PPIG: variants seen among roughly 807,000 people sequenced by gnomAD.
The protein encoded by PPIG is peptidylprolyl isomerase G.
Under a neutral mutation model 87.9 loss-of-function variants are expected in PPIG, and 26 were observed. The observed-to-expected ratio is 0.30, with a 90% confidence interval of 0.22 to 0.41. PPIG has a LOEUF of 0.41. Ranked by LOEUF, PPIG falls within the 10% of genes least tolerant of loss-of-function variation. The pLI, the probability that PPIG is intolerant of heterozygous loss-of-function variation, is 1.00. For missense variants in PPIG, 722 were observed against 879.4 expected, an observed-to-expected ratio of 0.82 and a Z score of 2.26; for synonymous variants, 308 against 276.5, an observed-to-expected ratio of 1.11 and a Z score of -1.13.
intron 1 of PPIG, 186 bp downstream of exon 1, chr2:169,584,676 C>A (rs1298084867): frequency 2.9e-6 from 1 of 349,228 alleles, no homozygotes; most frequent in South Asian, 2.1e-5. Flanking sequence ...GCAGCAGTGC[C>A]TTTGCCGCTG....
chr2:169,637,469 T>TA lies in PPIG; in HGVS notation c.2217dup (p.Phe740IlefsTer2). Reference sequence around the variant, plus strand: ...AAAATGACCATGTACATGAAAAAAATAAAAAATTTGATCATGAATCAAGCC... The same window carrying TA: ...AAAATGACCATGTACATGAAAAAAATAAAAAAATTTGATCATGAATCAAGCC... On this transcript the variant is annotated frameshift_variant, in exon 14 of 14. Coordinates refer to ENST00000260970, the MANE Select transcript of PPIG (RefSeq NM_004792.3). LOFTEE classifies it high-confidence loss of function. 6.2e-7 allele frequency: 1 copy of TA among 1,602,962 alleles called. No homozygotes were observed. Among genetic ancestry groups the TA allele is most frequent in the South Asian group, 1.1e-5 (1 of 88,424 alleles).
At chr2:169,587,148 G>T (rs936655525) in intron 1 of PPIG, among the ~76,000 whole-genome samples, 4 of 152,044 alleles carry the variant, frequency 2.6e-5, no homozygotes, top group Admixed American at 6.6e-5. Context: ...GGCTACGCTG[G>T]TCTCAAATTC....
In PPIG at chr2:169,604,012, TA is replaced by T; in HGVS notation, c.-16-13del. 1 of 1,603,782 alleles carries T rather than the reference TA, an allele frequency of 6.2e-7. No homozygotes were observed. The highest frequency in any genetic ancestry group is 8.5e-7 in the Non-Finnish European group (1 of 1,172,120). On this transcript the variant is annotated splice_polypyrimidine_tract_variant and intron_variant, in intron 2 of 13. Coordinates refer to ENST00000260970, the MANE Select transcript of PPIG (RefSeq NM_004792.3). ...ATTTTAGTCTGCTTGTCTGAAACTG[TA>T]TTTTACTCACAGATTAAGTATTGGA...
chr2:169,631,991 A>G, intron 11 of PPIG, 58 bp downstream of exon 11: 1 of 1,361,260 alleles, frequency 7.3e-7, no homozygotes, highest in Non-Finnish European at 9.6e-7. Flanking sequence ...TTCTTTTTAA[A>G]AAGTTATTTA....
At chr2:169,601,383 A>G (rs532108194) in intron 1 of PPIG, among the ~76,000 whole-genome samples, 2 of 152,334 alleles carry the variant, frequency 1.3e-5, no homozygotes, top group South Asian at 4.1e-4. Flanking sequence ...GGTTTATCAC[A>G]TCATGGAACT....
At chr2:169,631,983 C>T (rs1686066938) in intron 11 of PPIG, 50 bp downstream of exon 11, 1 of 1,385,896 alleles carries the variant, frequency 7.2e-7, no homozygotes, top group African/African-American at 1.5e-5. Flanking sequence ...TAGAACTTTT[C>T]TTTTTAAAAA....
In PPIG at chr2:169,641,399, A is replaced by T. The variant is rs1030254193; in HGVS notation, c.*3876A>T. Reference sequence around the variant, plus strand: ...AACATTGTATTAAATAAACTATACTATAATAAACAGTTTGGTTTTGTATTT... The same window carrying T: ...AACATTGTATTAAATAAACTATACTTTAATAAACAGTTTGGTTTTGTATTT... On this transcript the variant is annotated 3_prime_UTR_variant, in exon 14 of 14. Coordinates refer to ENST00000260970, the MANE Select transcript of PPIG (RefSeq NM_004792.3). The T allele has an allele frequency of 6.6e-6, 1 of 152,212 alleles. No homozygotes were observed. The highest frequency in any genetic ancestry group is 2.1e-4 in the South Asian group (1 of 4,832). The allele number at this position is 152,212 out of a possible 1,614,324, so 9.4% of individuals were successfully genotyped here.
Position 169,630,771 on chromosome 2 carries a change from A to T in PPIG, c.548-3A>T. On this transcript the variant is annotated splice_polypyrimidine_tract_variant and splice_region_variant and intron_variant, in intron 9 of 13. Transcript: ENST00000260970. ...GATCAAAACCTTTTTGTTTTTATTA[A>T]AGTTAAGAAAGAAGAAAAGAAAAGG... The T allele has an allele frequency of 6.3e-7, 1 of 1,584,694 alleles. No homozygotes were observed. Among genetic ancestry groups the T allele is most frequent in the Admixed American group, 2.0e-5 (1 of 50,216 alleles).
In PPIG at chr2:169,639,043, TATTG is replaced by T. The variant is rs967291470; in HGVS notation, c.*1524_*1527del. On this transcript the variant is annotated 3_prime_UTR_variant, in exon 14 of 14. Transcript: ENST00000260970. ...CAATTATTAACATGATACTTCCCAC[TATTG>T]ATTAATGCAATATTGATATATTTGG... 4.6e-5 allele frequency: 7 copies of T among 152,040 alleles called. No individual in the cohort carries two copies. Among genetic ancestry groups the T allele is most frequent in the Admixed American group, 1.3e-4 (2 of 15,238 alleles). 9.4% of individuals were successfully genotyped at this position (152,040 alleles called of 1,614,324 possible).
rs958925743 is a variant in PPIG at position 169,621,942 on chromosome 2, A to T, written c.547+7218A>T. Among the ~76,000 whole-genome samples the T allele has an allele frequency of 9.1e-3, 1,340 of 147,170 alleles. 15 individuals are homozygous for T. The highest frequency in any genetic ancestry group is 0.042 in the Middle Eastern group (12 of 284). On this transcript the variant is annotated intron_variant, in intron 9 of 13. Transcript: ENST00000260970. ...CTCTTCCCTACCAAAAAAAAAAAAA[A>T]TTTTTTTTTAATTAACCATGTGTAG... is the stretch of plus-strand genomic sequence containing the variant.
In PPIG at chr2:169,586,544, G is replaced by C. The variant is rs143863633; in HGVS notation, c.-70+2054G>C. Among the ~76,000 whole-genome samples the C allele has an allele frequency of 1.0e-3, 152 of 152,264 alleles. No individual in the cohort carries two copies. In the Middle Eastern group the frequency reaches 0.01, roughly 10 times the overall value. On this transcript the variant is annotated intron_variant, in intron 1 of 13. Coordinates refer to ENST00000260970, the MANE Select transcript of PPIG (RefSeq NM_004792.3). ...CATTACATTTATTTTTAACCATATA[G>C]TCGATTTACTGTGGTGCTTATTATT...
At chr2:169,628,939 CAAAAAAAAAAA>C (rs71006010) in intron 9 of PPIG, among the ~76,000 whole-genome samples, 21,570 of 92,544 alleles carry the variant, frequency 0.23, 2,156 homozygotes, top group Non-Finnish European at 0.24. Flanking sequence ...ACCCTGTCTC[CAAAAAAAAAAA>C]AAAAAAAAAA....
chr2:169,637,279 C>G lies in PPIG; in HGVS notation c.2021C>G (p.Ser674Ter), dbSNP rs1169427107. The G allele has an allele frequency of 4.4e-6, 7 of 1,608,860 alleles. No individual in the cohort carries two copies. Among genetic ancestry groups the G allele is most frequent in the Non-Finnish European group, 5.1e-6 (6 of 1,178,904 alleles). ...MYSKSRDHNS[S>*]NNSREKKADR... The stretch of plus-strand genomic sequence containing the variant: ...TCTAAAAGTCGTGATCATAATAGCT[C>G]AAATAACAGCAGGGAAAAAAAGGCT... The change falls in exon 14 of 14, where the codon TCA becomes TGA. Residue 674 changes from serine (S) to a stop codon, truncating the protein, a stop_gained. Transcript: ENST00000260970. LOFTEE classifies it high-confidence loss of function.
chr2:169,600,683 AAAAG>A (rs1342256745), intron 1 of PPIG, among the ~76,000 whole-genome samples: 7 of 152,276 alleles, frequency 4.6e-5, no homozygotes, highest in African/African-American at 1.7e-4. Flanking sequence ...AAAATAAGAA[AAAAG>A]AAAAAAATAT....
At position 169,636,506 on chromosome 2, in the gene PPIG, A is replaced by G. The variant is rs1686183281; in HGVS notation, c.1248A>G (p.Pro416=). The G allele has an allele frequency of 1.9e-6, 3 of 1,609,946 alleles. No individual in the cohort carries two copies. Among genetic ancestry groups the G allele is most frequent in the Non-Finnish European group, 2.5e-6 (3 of 1,178,742 alleles). The change falls in exon 14 of 14, where the codon CCA becomes CCG. Residue 416 remains proline (P), a synonymous_variant. Coordinates refer to ENST00000260970, the MANE Select transcript of PPIG (RefSeq NM_004792.3). ...ATCACAGGAATGTATCTGAGAGTCC[A>G]AACAGAAAAAATGAAAAGGAGAAGA... ...ITDHRNVSES[P]NRKNEKEKKV... is the part of the protein sequence containing the mutation.
At chr2:169,613,210 A>T (rs939994945) in intron 7 of PPIG, among the ~76,000 whole-genome samples, 12 of 152,182 alleles carry the variant, frequency 7.9e-5, no homozygotes, top group African/African-American at 2.9e-4. Flanking sequence ...GTGTACACCT[A>T]GGTTTTTACA....
intron 12 of PPIG, among the ~76,000 whole-genome samples, chr2:169,634,859 G>C (rs2105523125): frequency 6.6e-6 from 1 of 152,140 alleles, no homozygotes; most frequent in Admixed American, 6.5e-5. Context: ...TTAAATCTCA[G>C]TACCTCTTTC....
intron 9 of PPIG, among the ~76,000 whole-genome samples, chr2:169,620,545 T>G (rs1163697706): frequency 6.6e-6 from 1 of 152,150 alleles, no homozygotes; most frequent in Admixed American, 6.5e-5. Context: ...AAATAAATAC[T>G]CTGGAGGAAG....
chr2:169,628,627 A>T (rs532334783), intron 9 of PPIG, among the ~76,000 whole-genome samples: 5 of 152,138 alleles, frequency 3.3e-5, no homozygotes, highest in Non-Finnish European at 4.4e-5. Context: ...CCTGTGCAAC[A>T]TAGCAAGACC....
Sources: allele counts gnomAD v4.1 joint callset (sites outside exome capture counted in the v4.1 genomes callset), GRCh38; gene constraint gnomAD v4.1.1; transcripts MANE v1.5; gene names NCBI Gene and HGNC (gene_info 2026-07-23, HGNC 2026-07-21).